The following NAA38 variants were observed in gnomAD, a reference collection of about 807,000 sequenced individuals.
The protein encoded by NAA38 is N-alpha-acetyltransferase 38, NatC auxiliary subunit.
Under a neutral mutation model 12.6 loss-of-function variants are expected in NAA38, and 15 were observed. The observed-to-expected ratio is 1.19, with a 90% confidence interval of 0.79 to 1.83. The LOEUF is 1.83. Ranked by LOEUF, NAA38 falls within the 40% of genes most tolerant of loss-of-function variation. The pLI is 0.00. For synonymous variants in NAA38, 88 were observed against 69.9 expected, an observed-to-expected ratio of 1.26 and a Z score of -1.29; for missense variants, 183 against 171.7, an observed-to-expected ratio of 1.07 and a Z score of -0.37.
intron 2 of NAA38, among the ~76,000 whole-genome samples, chr17:7,874,949 C>T (rs925906496): frequency 6.7e-6 from 1 of 149,030 alleles, no homozygotes; most frequent in African/African-American, 2.5e-5. Flanking sequence ...AATCCCAACA[C>T]TTCAGAAGGC....
At chr17:7,879,808 T>C (rs149202102) in intron 2 of NAA38, among the ~76,000 whole-genome samples, 41 of 151,978 alleles carry the variant, frequency 2.7e-4, no homozygotes, top group African/African-American at 8.4e-4. Flanking sequence ...CACACAGGCA[T>C]AGATAAAAGG....
intron 3 of NAA38, chr17:7,864,009 G>A (rs879438460): frequency 2.0e-5 from 3 of 152,102 alleles, no homozygotes; most frequent in Admixed American, 2.0e-4. Context: ...GCTGAGTAAA[G>A]GGATCCATCA....
At chr17:7,862,294 C>T (rs959000773), upstream of NAA38, 1 of 152,162 alleles carries the variant, frequency 6.6e-6, no homozygotes, top group African/African-American at 2.4e-5. Flanking sequence ...GTTAAGTGAA[C>T]TCATCCGTCT....
upstream of NAA38, chr17:7,857,897 A>G (rs770958928): frequency 1.4e-5 from 20 of 1,404,772 alleles, no homozygotes; most frequent in East Asian, 2.6e-5. Context: ...CAATTACTTG[A>G]TCCTTATATG....
chr17:7,885,357 A>T (rs888652346), upstream of NAA38: 4 of 140,754 alleles, frequency 2.8e-5, no homozygotes, highest in African/African-American at 1.1e-4. Context: ...CCCCGGCTGG[A>T]GAGCGCTGGG....
intron 1 of NAA38, among the ~76,000 whole-genome samples, chr17:7,884,381 G>GC (rs911147047): frequency 2.7e-4 from 40 of 148,594 alleles, no homozygotes; most frequent in Non-Finnish European, 7.4e-5. Flanking sequence ...ATTTCTGAGC[G>GC]CCCCCCTCAG....
intron 2 of NAA38, among the ~76,000 whole-genome samples, chr17:7,879,688 A>G (rs1967236809): frequency 1.3e-5 from 2 of 152,116 alleles, no homozygotes; most frequent in Admixed American, 6.5e-5. Flanking sequence ...AGGAATTTAA[A>G]TTTTTTATTT....
At chr17:7,869,254 G>A (rs932596768) in intron 2 of NAA38, among the ~76,000 whole-genome samples, 6 of 152,188 alleles carry the variant, frequency 3.9e-5, no homozygotes, top group Admixed American at 3.9e-4. Context: ...AGACTTGAGG[G>A]ATAAATAGCT....
chr17:7,874,784 G>C (rs1186265076), intron 2 of NAA38, among the ~76,000 whole-genome samples: 12 of 151,444 alleles, frequency 7.9e-5, no homozygotes. Flanking sequence ...TACCTAGGAG[G>C]CTGAGGCAGG....
At chr17:7,885,102 TCC>T in intron 1 of NAA38, 1 of 953,852 alleles carries the variant, frequency 1.0e-6, no homozygotes, top group Non-Finnish European at 1.2e-6. Flanking sequence ...CCGCCCCGAC[TCC>T]CCCCCCAAGC....
At chr17:7,883,396 A>G (rs1418079576) in intron 1 of NAA38, 1 of 152,198 alleles carries the variant, frequency 6.6e-6, no homozygotes, top group African/African-American at 2.4e-5. Context: ...TTTCCTCTTT[A>G]TCCTAAAAAT....
At chr17:7,863,446 C>T (rs1966908134) in intron 3 of NAA38, 1 of 152,176 alleles carries the variant, frequency 6.6e-6, no homozygotes. Context: ...GAGGTCCCTA[C>T]ATGCCCACAT....
chr17:7,866,473 G>T, intron 3 of NAA38: 1 of 1,231,436 alleles, frequency 8.1e-7, no homozygotes, highest in Non-Finnish European at 1.0e-6. Flanking sequence ...CTCTTAAGAT[G>T]AACTTAGAAA....
chr17:7,859,270 G>T, upstream of NAA38: 1 of 796,024 alleles, frequency 1.3e-6, no homozygotes. Context: ...TTTTCCCGGG[G>T]CCGTAGAGTA....
intron 2 of NAA38, among the ~76,000 whole-genome samples, chr17:7,879,824 C>T (rs561102109): frequency 2.0e-5 from 3 of 151,788 alleles, no homozygotes; most frequent in African/African-American, 4.8e-5. Flanking sequence ...AAAGGCCTAA[C>T]GACAGAGAGA....
intron 2 of NAA38, among the ~76,000 whole-genome samples, chr17:7,877,454 CT>C (rs1179558605): frequency 7.5e-6 from 1 of 133,486 alleles, no homozygotes; most frequent in Admixed American, 7.7e-5. Flanking sequence ...ACTCATTTTT[CT>C]TTTTTCTTTT....
At chr17:7,869,307 G>A (rs1967043834) in intron 2 of NAA38, among the ~76,000 whole-genome samples, 1 of 152,176 alleles carries the variant, frequency 6.6e-6, no homozygotes, top group Admixed American at 6.5e-5. Context: ...TTGGATTCCA[G>A]GTGCTACCTT....
At chr17:7,857,887 C>T (rs191424855), upstream of NAA38, 9 of 1,397,176 alleles carry the variant, frequency 6.4e-6, no homozygotes, top group Admixed American at 1.8e-4. Flanking sequence ...CGGCGCAACT[C>T]AATTACTTGA....
intron 1 of NAA38, among the ~76,000 whole-genome samples, chr17:7,884,212 T>TG (rs893490388): frequency 4.0e-5 from 6 of 149,016 alleles, no homozygotes; most frequent in South Asian, 2.1e-4. Context: ...GGGAGGAGAA[T>TG]GGGGGGGTGA....
Sources: allele counts gnomAD v4.1 joint callset (sites outside exome capture counted in the v4.1 genomes callset), GRCh38; gene constraint gnomAD v4.1.1; transcripts MANE v1.5; gene names NCBI Gene and HGNC (gene_info 2026-07-23, HGNC 2026-07-21).